RIPOR3: variants seen among roughly 807,000 people sequenced by gnomAD.
RIPOR3 encodes RIPOR family member 3.
RIPOR3 carries 95 observed loss-of-function variants against 114.3 expected under a neutral mutation model. The observed-to-expected ratio is 0.83, with a 90% confidence interval of 0.70 to 0.99. The LOEUF is 0.99. RIPOR3 is among the 50% of genes least tolerant of loss of function. The probability of loss-of-function intolerance (pLI) is 0.00; values close to 1 mark genes in which losing one functional copy is unlikely to be tolerated. For missense variants in RIPOR3, 1,252 were observed against 1,266.9 expected (o/e 0.99, Z 0.18); for synonymous variants, 575 against 543.8 (o/e 1.06, Z -0.80).
At chr20:50,647,188 C>T (rs1020875241) in intron 1 of RIPOR3, among the ~76,000 whole-genome samples, 34 of 152,162 alleles carry the variant, frequency 2.2e-4, no homozygotes, top group African/African-American at 6.5e-4. Flanking sequence ...GGCGTGGTGG[C>T]GGACGCCTGT....
At chr20:50,644,250 G>A (rs1600668493) in intron 1 of RIPOR3, among the ~76,000 whole-genome samples, 1 of 152,146 alleles carries the variant, frequency 6.6e-6, no homozygotes, top group Non-Finnish European at 1.5e-5. Flanking sequence ...GGGATTACAG[G>A]CATAAGCCAC....
At chr20:50,591,165 G>A (rs984383565) in intron 19 of RIPOR3, among the ~76,000 whole-genome samples, 7 of 152,182 alleles carry the variant, frequency 4.6e-5, no homozygotes, top group African/African-American at 1.4e-4. Flanking sequence ...ATCACAATGT[G>A]TGTCCTTATG....
intron 1 of RIPOR3, among the ~76,000 whole-genome samples, chr20:50,681,718 G>A (rs1295435694): frequency 1.3e-5 from 2 of 152,148 alleles, no homozygotes; most frequent in South Asian, 2.1e-4. Context: ...TTCCCCACAC[G>A]CGTTGAGAAC....
intron 17 of RIPOR3, among the ~76,000 whole-genome samples, chr20:50,593,511 T>TA (rs2083182078): frequency 6.6e-6 from 1 of 151,472 alleles, no homozygotes; most frequent in Non-Finnish European, 1.5e-5. Context: ...GTGGAGGTTG[T>TA]AGTGAGCCAA....
At chr20:50,621,123 A>G (rs1189085205) in intron 2 of RIPOR3, 1 of 114,680 alleles carries the variant, frequency 8.7e-6, no homozygotes, top group Non-Finnish European at 1.6e-5. Flanking sequence ...AGCTTGACAA[A>G]AAAAAAAAAA....
chr20:50,666,086 G>T (rs1190670123), intron 1 of RIPOR3, among the ~76,000 whole-genome samples: 1 of 151,040 alleles, frequency 6.6e-6, no homozygotes, highest in Non-Finnish European at 1.5e-5. Context: ...GACCAAGGAA[G>T]GGTTTATTAA....
At chr20:50,634,730 C>T (rs2084925712) in intron 1 of RIPOR3, among the ~76,000 whole-genome samples, 1 of 152,196 alleles carries the variant, frequency 6.6e-6, no homozygotes, top group South Asian at 2.1e-4. Context: ...CAAATGTTTT[C>T]TGTAAAAAGC....
chr20:50,687,293 C>G (rs2087060552), intron 1 of RIPOR3, among the ~76,000 whole-genome samples: 3 of 152,228 alleles, frequency 2.0e-5, no homozygotes. Flanking sequence ...CCCGATCTCT[C>G]TGCATCCACT....
Position 50,587,216 on chromosome 20 carries a change from C to T in RIPOR3, c.*16G>A, listed in dbSNP as rs559319731. The T allele has an allele frequency of 3.7e-6, 6 of 1,601,218 alleles. No homozygotes were observed. Among genetic ancestry groups the T allele is most frequent in the East Asian group, 2.2e-5 (1 of 44,840 alleles). On this transcript the variant is annotated 3_prime_UTR_variant, in exon 22 of 22. Coordinates refer to ENST00000327979, the MANE Select transcript of RIPOR3 (RefSeq NM_001290268.2). ...AAAAAAACGATGTGAGATTTGTGCTCATCAGCCAGGATTTTTTAAAATATT... is the reference window on the plus strand; with the variant it reads ...AAAAAAACGATGTGAGATTTGTGCTTATCAGCCAGGATTTTTTAAAATATT...
In RIPOR3 at chr20:50,608,686, G is replaced by A. The variant is rs1040802704; in HGVS notation, c.737C>T (p.Ser246Leu). The A allele has an allele frequency of 2.5e-6, 4 of 1,613,936 alleles. No homozygotes were observed. Among genetic ancestry groups the A allele is most frequent in the East Asian group, 2.2e-5 (1 of 44,894 alleles). Residue 246 changes from serine to leucine, a missense_variant, in exon 10 of 22, where the codon TCA becomes TTA. Ser to Leu is a moderately radical substitution (Grantham distance 145, BLOSUM62 -2). Transcript: ENST00000327979. ...TTCGTCCCAGGTCTGGCTGTCATCTGACTCGATCCGACCCTTGAGCTTCCA... is the reference window on the plus strand; with the variant it reads ...TTCGTCCCAGGTCTGGCTGTCATCTAACTCGATCCGACCCTTGAGCTTCCA... Reference protein sequence around the residue: ...QRWKLKGRIESDDSQTWDEEE... With the variant: ...QRWKLKGRIELDDSQTWDEEE...
At chr20:50,619,716 T>C (rs1284040930) in intron 3 of RIPOR3, among the ~76,000 whole-genome samples, 1 of 152,098 alleles carries the variant, frequency 6.6e-6, no homozygotes, top group Non-Finnish European at 1.5e-5. Context: ...GCATTGCTTC[T>C]TGATTGATTG....
chr20:50,595,056 A>T (rs985923009), intron 16 of RIPOR3: 1 of 482,296 alleles, frequency 2.1e-6, no homozygotes, highest in African/African-American at 1.9e-5. Context: ...TGCACCTTGA[A>T]TGTGGCCTGG....
intron 1 of RIPOR3, among the ~76,000 whole-genome samples, chr20:50,650,177 G>A (rs1422902286): frequency 2.0e-5 from 3 of 152,130 alleles, no homozygotes; most frequent in African/African-American, 7.2e-5. Context: ...GAAGAGGCAA[G>A]AGAACACTCT....
At chr20:50,615,526 A>C (rs1249484632) in intron 4 of RIPOR3, among the ~76,000 whole-genome samples, 1 of 142,078 alleles carries the variant, frequency 7.0e-6, no homozygotes, top group Non-Finnish European at 1.5e-5. Context: ...TCCTGTCTCA[A>C]AAAAAAAAAA....
intron 1 of RIPOR3, among the ~76,000 whole-genome samples, chr20:50,666,167 C>T (rs1472355579): frequency 7.5e-5 from 11 of 145,866 alleles, no homozygotes; most frequent in African/African-American, 2.8e-4. Flanking sequence ...GCCTAGAATA[C>T]AGAGAAAGGA....
chr20:50,648,486 T>C (rs1354174430), intron 1 of RIPOR3, among the ~76,000 whole-genome samples: 2 of 151,870 alleles, frequency 1.3e-5, no homozygotes, highest in Non-Finnish European at 2.9e-5. Flanking sequence ...CAGGGACAAG[T>C]TTTGTGGAAG....
intron 13 of RIPOR3, among the ~76,000 whole-genome samples, chr20:50,600,908 C>CT (rs34436866): frequency 2.0e-5 from 3 of 152,172 alleles, no homozygotes; most frequent in Non-Finnish European, 2.9e-5. Flanking sequence ...AGAAATTAAA[C>CT]TTTTTTTCCC....
At chr20:50,669,470 C>G (rs371372651) in intron 1 of RIPOR3, among the ~76,000 whole-genome samples, 3 of 152,172 alleles carry the variant, frequency 2.0e-5, no homozygotes, top group South Asian at 4.1e-4. Context: ...ACCTGGCTAC[C>G]TGGAAAATAT....
At chr20:50,666,588 G>A (rs982999294) in intron 1 of RIPOR3, among the ~76,000 whole-genome samples, 4 of 149,142 alleles carry the variant, frequency 2.7e-5, no homozygotes, top group Middle Eastern at 3.7e-3. Context: ...TTTTTGAGAC[G>A]GCGTCTCACT....
Sources: allele counts gnomAD v4.1 joint callset (sites outside exome capture counted in the v4.1 genomes callset), GRCh38; gene constraint gnomAD v4.1.1; transcripts MANE v1.5; gene names NCBI Gene and HGNC (gene_info 2026-07-23, HGNC 2026-07-21).